The following TCAIM variants were observed in gnomAD, a reference collection of about 807,000 sequenced individuals.
TCAIM encodes T cell activation inhibitor, mitochondrial, also known as T-cell activation inhibitor, mitochondrial.
In TCAIM, 36 loss-of-function variants were observed where a neutral mutation model predicts 58.6. The observed-to-expected ratio is 0.61, with a 90% CI of 0.47 to 0.81. The LOEUF is 0.81. TCAIM is among the 30% of genes least tolerant of loss of function. TCAIM has a pLI of 0.00. For synonymous variants in TCAIM, 172 were observed against 193.6 expected (o/e 0.89, Z 0.93); for missense variants, 466 against 579.6 (o/e 0.80, Z 2.01).
Position 44,361,430 on chromosome 3 carries a change from C to T in TCAIM, c.231C>T (p.Phe77=). The change falls in exon 4 of 11, where the codon TTC becomes TTT. Residue 77 remains phenylalanine, a synonymous_variant. Coordinates refer to ENST00000342649, the MANE Select transcript of TCAIM (RefSeq NM_173826.4). ...VYLENLQKPG[F]KSLKPTQLTF... The stretch of plus-strand genomic sequence containing the variant: ...TAGAAAACCTCCAGAAACCAGGCTT[C>T]AAGTCTTTGAAACCAACTCAGCTTA... 1 of 1,613,338 alleles carries T rather than the reference C, an allele frequency of 6.2e-7. No homozygotes were observed. The highest frequency in any genetic ancestry group is 8.5e-7 in the Non-Finnish European group (1 of 1,179,674).
chr3:44,359,031 A>C, intron 3 of TCAIM: 1 of 982,414 alleles, frequency 1.0e-6, no homozygotes, highest in Non-Finnish European at 1.2e-6. Flanking sequence ...TTCAAAATGT[A>C]TAGAAAAATC....
chr3:44,369,167 A>G (rs1701425047), intron 5 of TCAIM, among the ~76,000 whole-genome samples: 2 of 152,230 alleles, frequency 1.3e-5, no homozygotes, highest in African/African-American at 4.8e-5. Flanking sequence ...GATTTCTCTG[A>G]GCACAAACTG....
At chr3:44,392,754 C>T (rs940498266) in intron 5 of TCAIM, 101 bp from the exon 6 acceptor site, 5 of 1,148,476 alleles carry the variant, frequency 4.4e-6, no homozygotes, top group Non-Finnish European at 6.1e-6. Flanking sequence ...GATTCCAAGT[C>T]TTTGCTATTG....
chr3:44,339,734 C>T (rs149930273), intron 1 of TCAIM: 4 of 152,302 alleles, frequency 2.6e-5, no homozygotes, highest in African/African-American at 9.6e-5. Context: ...TCTCCCCGCC[C>T]CATTCCAAGT....
intron 5 of TCAIM, among the ~76,000 whole-genome samples, chr3:44,391,899 C>T (rs1053670877): frequency 6.6e-6 from 1 of 152,190 alleles, no homozygotes; most frequent in Admixed American, 6.5e-5. Flanking sequence ...TGTCACTAGT[C>T]CCATCAGATA....
At position 44,407,480 on chromosome 3, in the gene TCAIM, CA is replaced by C. The variant is rs1174069553; in HGVS notation, c.1292del (p.Lys431ArgfsTer27). The C allele has an allele frequency of 1.7e-5, 27 of 1,606,134 alleles. No individual in the cohort carries two copies. The highest frequency in any genetic ancestry group is 2.3e-5 in the Non-Finnish European group (27 of 1,173,802). ...VIENELIQAS[T>X]KKFSLEKLYK... Reference sequence around the variant, plus strand: ...GAAAATGAATTGATACAGGCATCAACAAAGAAATTTTCTTTGGAGAAGTTAT... The same window carrying C: ...GAAAATGAATTGATACAGGCATCAACAAGAAATTTTCTTTGGAGAAGTTAT... On this transcript the variant is annotated frameshift_variant, in exon 11 of 11. Coordinates refer to ENST00000342649, the MANE Select transcript of TCAIM (RefSeq NM_173826.4). LOFTEE classifies it high-confidence loss of function.
chr3:44,339,924 T>G (rs1033648319), intron 1 of TCAIM: 3 of 152,218 alleles, frequency 2.0e-5, no homozygotes, highest in Non-Finnish European at 4.4e-5. Context: ...ACCTGGCCCA[T>G]AAGTGGTGAT....
rs200279080 is a variant in TCAIM, at chr3:44,354,822, T to A, written c.29+11T>A. On this transcript the variant is annotated intron_variant, in intron 2 of 10. Coordinates refer to ENST00000342649, the MANE Select transcript of TCAIM (RefSeq NM_173826.4). ...GAGACCTATGAGGAGGTAAGCATCA[T>A]GGTCCAATCTGTAATTAGTATTGTG... 7.2e-5 allele frequency: 116 copies of A among 1,610,290 alleles called. No homozygotes were observed. The highest frequency in any genetic ancestry group is 1.7e-5 in the Admixed American group (1 of 58,594).
At chr3:44,340,979 CATTCTT>C (rs1359756798) in intron 1 of TCAIM, 2 of 152,244 alleles carry the variant, frequency 1.3e-5, no homozygotes, top group South Asian at 2.1e-4. Flanking sequence ...CTCGGTTTTT[CATTCTT>C]ATTCTTAAAC....
intron 5 of TCAIM, among the ~76,000 whole-genome samples, chr3:44,383,322 T>G (rs1469281211): frequency 1.3e-5 from 2 of 152,180 alleles, no homozygotes; most frequent in African/African-American, 4.8e-5. Flanking sequence ...AGTGGATGAA[T>G]GGATAAGCAA....
intron 5 of TCAIM, among the ~76,000 whole-genome samples, chr3:44,370,938 G>C (rs933222172): frequency 1.1e-4 from 15 of 142,086 alleles, no homozygotes; most frequent in Admixed American, 4.3e-4. Context: ...TAAAGATGGA[G>C]TCTCACTCTG....
At chr3:44,345,853 G>A (rs1034561491) in intron 1 of TCAIM, among the ~76,000 whole-genome samples, 2 of 152,192 alleles carry the variant, frequency 1.3e-5, no homozygotes, top group African/African-American at 4.8e-5. Flanking sequence ...CAGTTATGAT[G>A]GTTTGAAGGA....
intron 7 of TCAIM, 121 bp downstream of exon 7, chr3:44,396,618 G>A: frequency 7.1e-7 from 1 of 1,404,418 alleles, no homozygotes; most frequent in Non-Finnish European, 9.8e-7. Context: ...TTTGAATAAA[G>A]CAGTGGCATA....
In TCAIM at chr3:44,407,443, T is replaced by C. The variant is rs775613380; in HGVS notation, c.1252T>C (p.Leu418=). The C allele has an allele frequency of 4.0e-5, 61 of 1,508,912 alleles. No individual in the cohort carries two copies. The highest frequency in any genetic ancestry group is 5.4e-5 in the Non-Finnish European group (59 of 1,091,848). 93.5% of individuals were successfully genotyped at this position (1,508,912 alleles called of 1,614,324 possible). A position where few individuals can be genotyped will look rare whatever the true frequency, so the allele number is the denominator to read the frequency against. The change falls in exon 11 of 11, where the codon TTA becomes CTA. Residue 418 remains leucine (L), a splice_region_variant and synonymous_variant. Coordinates refer to ENST00000342649, the MANE Select transcript of TCAIM (RefSeq NM_173826.4). ...ARENMKRKEE[L]KVIENELIQA... is the part of the protein sequence containing the mutation. ...ATATTTTTATTTTCTATATAATAGGTTAAAGGTTATTGAAAATGAATTGAT... is the reference window on the plus strand; with the variant it reads ...ATATTTTTATTTTCTATATAATAGGCTAAAGGTTATTGAAAATGAATTGAT...
intron 5 of TCAIM, among the ~76,000 whole-genome samples, chr3:44,387,674 G>A (rs1701767179): frequency 1.3e-5 from 2 of 152,234 alleles, no homozygotes; most frequent in Admixed American, 1.3e-4. Context: ...GCTGGCCCTT[G>A]GCAGATGTGG....
At chr3:44,342,623 A>G (rs900992833) in intron 1 of TCAIM, among the ~76,000 whole-genome samples, 3 of 152,096 alleles carry the variant, frequency 2.0e-5, no homozygotes, top group Non-Finnish European at 4.4e-5. Context: ...ATGTAGCCAG[A>G]CTTGAACCCA....
Position 44,409,098 on chromosome 3 carries a change from T to A in TCAIM, c.*1416T>A, listed in dbSNP as rs1702143444. On this transcript the variant is annotated 3_prime_UTR_variant, in exon 11 of 11. Coordinates refer to ENST00000342649, the MANE Select transcript of TCAIM (RefSeq NM_173826.4). ...GAGATGTTAAAATAAGTTCTTGAAG[T>A]ATGTTTTATATTTATCTAAAACACT... 1.3e-5 allele frequency: 2 copies of A among 152,242 alleles called. No individual in the cohort carries two copies. Among genetic ancestry groups the A allele is most frequent in the African/African-American group, 4.8e-5 (2 of 41,452 alleles). 9.4% of individuals were successfully genotyped at this position (152,242 alleles called of 1,614,324 possible). A position where few individuals can be genotyped will look rare whatever the true frequency, so the allele number is the denominator to read the frequency against.
chr3:44,390,386 C>T (rs752369809), intron 5 of TCAIM, among the ~76,000 whole-genome samples: 1 of 152,186 alleles, frequency 6.6e-6, no homozygotes, highest in African/African-American at 2.4e-5. Context: ...GGGATGCCAA[C>T]GCGGGAGGAT....
intron 5 of TCAIM, among the ~76,000 whole-genome samples, chr3:44,385,988 T>C (rs898993571): frequency 2.6e-5 from 4 of 152,104 alleles, no homozygotes; most frequent in African/African-American, 4.8e-5. Context: ...CAGCAACTTA[T>C]ACTTTCTTTT....
Sources: gnomAD v4.1 joint callset for allele counts (sites outside exome capture counted in the v4.1 genomes callset) on GRCh38, gnomAD v4.1.1 for gene constraint, MANE v1.5 for transcripts, NCBI Gene and HGNC (gene_info 2026-07-23, HGNC 2026-07-21) for gene names.